LTBP3: variants seen among roughly 807,000 people sequenced by gnomAD.
The protein encoded by LTBP3 is latent-transforming growth factor beta-binding protein 3.
Under a neutral mutation model 159.7 loss-of-function variants are expected in LTBP3, and 97 were observed. The observed-to-expected ratio is 0.61, with a 90% CI of 0.52 to 0.72. The LOEUF is 0.72. Ranked by LOEUF, LTBP3 falls within the 30% of genes least tolerant of loss-of-function variation. The probability of loss-of-function intolerance (pLI) is 0.00; values close to 1 mark genes in which losing one functional copy is unlikely to be tolerated. For missense variants in LTBP3, 1,584 were observed against 1,864.3 expected (o/e 0.85, Z 2.77); for synonymous variants, 824 against 777.1 (o/e 1.06, Z -1.00).
At position 65,546,527 on chromosome 11, in the gene LTBP3, A is replaced by T. The variant is rs1263841275; in HGVS notation, c.2268T>A (p.Pro756=). ...NECAEGSPCS[P]GWCENLPGSF... is the part of the protein sequence containing the mutation. ...AGCCCGGGAGGTTCTCGCACCAGCCAGGCGAGCAGGGGCTGCCCTCGGCGC... is the reference window on the plus strand; with the variant it reads ...AGCCCGGGAGGTTCTCGCACCAGCCTGGCGAGCAGGGGCTGCCCTCGGCGC... The change falls in exon 16 of 28, where the codon CCT becomes CCA. Residue 756 remains proline (P), a synonymous_variant. Transcript: ENST00000301873. This position sits in a 1 kb window ranked among gnomAD's most constrained non-coding sequence, Gnocchi z 4.0. The T allele has an allele frequency of 2.5e-6, 4 of 1,601,922 alleles. No homozygotes were observed. In the South Asian group the frequency reaches 3.3e-5, roughly 13 times the overall value.
Position 65,543,437 on chromosome 11 carries a change from G to C in LTBP3, c.2466C>G (p.Ser822Arg). ...TCTAAGATCCCTCACCCTCGCAGTG[G>C]CTCCGGTCCCTGGACAGATGGTAGC... is the stretch of plus-strand genomic sequence containing the variant. ...LSGYHLSRDR[S>R]HCEDIDECDF... The change falls in exon 17 of 28, where the codon AGC (serine) becomes AGG (arginine). Residue 822 changes from serine to arginine, a missense_variant. Ser to Arg is a moderately radical substitution (Grantham distance 110, BLOSUM62 -1). This residue lies in a region of LTBP3 where 565 missense variants were observed against 677.7 expected (regional missense o/e 0.83). Transcript: ENST00000301873. 1 of 1,614,076 alleles carries C rather than the reference G, an allele frequency of 6.2e-7. No individual in the cohort carries two copies. The highest frequency in any genetic ancestry group is 8.5e-7 in the Non-Finnish European group (1 of 1,179,982).
rs1856680951 is a variant in LTBP3, at chr11:65,553,350, C to T, written c.970+75G>A. The T allele has an allele frequency of 7.4e-7, 1 of 1,344,276 alleles. No homozygotes were observed. The allele number at this position is 1,344,276 out of a possible 1,614,324, so 83.3% of individuals were successfully genotyped here. A position where few individuals can be genotyped will look rare whatever the true frequency, so the allele number is the denominator to read the frequency against. ...AGAGGAATCTGGTGACCTGGGGACT[C>T]CCACTGCAGGGATGGGTGGGGTGGG... is the stretch of plus-strand genomic sequence containing the variant. On this transcript the variant is annotated intron_variant, in intron 4 of 27. Transcript: ENST00000301873. The surrounding 1 kb of genome is among the most constrained non-coding windows in gnomAD (Gnocchi z 6.5).
Position 65,539,445 on chromosome 11 carries a change from C to G in LTBP3, c.3643G>C (p.Glu1215Gln). The G allele has an allele frequency of 5.1e-6, 8 of 1,561,022 alleles. No individual in the cohort carries two copies. The highest frequency in any genetic ancestry group is 1.4e-5 in the African/African-American group (1 of 73,468). ...CAGCGACACTCGTCTGAATCCTCCT[C>G]TGAACTGTCCTCATCTGCGTGGCCC... ...GKPPRDEDSS[E>Q]EDSDECRCVS... is the part of the protein sequence containing the mutation. Residue 1215 changes from glutamate to glutamine, a missense_variant, in exon 27 of 28, where the codon GAG becomes CAG. Coordinates refer to ENST00000301873, the MANE Select transcript of LTBP3 (RefSeq NM_001130144.3).
At chr11:65,539,674 T>TGGCCCCC (rs1855976794) in intron 25 of LTBP3, 46 bp from the exon 26 acceptor site, 2 of 1,583,814 alleles carry the variant, frequency 1.3e-6, no homozygotes, top group South Asian at 2.3e-5. Context: ...CCCCGGGCCC[T>TGGCCCCC]GGCCCCCATC....
At position 65,540,060 on chromosome 11, in the gene LTBP3, A is replaced by C. The variant is rs1028583414; in HGVS notation, c.3338T>G (p.Val1113Gly). 2.0e-6 allele frequency: 3 copies of C among 1,521,882 alleles called. No homozygotes were observed. In the African/African-American group the frequency reaches 4.2e-5, roughly 21 times the overall value. The allele number at this position is 1,521,882 out of a possible 1,614,324, so 94.3% of individuals were successfully genotyped here. ...GCAATCGCGGCCGGAGGGCCCGGGCACCCAGGGCGGGCGACACTCGCAGCG... is the reference window on the plus strand; with the variant it reads ...GCAATCGCGGCCGGAGGGCCCGGGCCCCCAGGGCGGGCGACACTCGCAGCG... ...SYRCECRPPWVPGPSGRDCQL... is the reference protein window; with the variant it reads ...SYRCECRPPWGPGPSGRDCQL... Residue 1113 changes from valine to glycine, a missense_variant, in exon 24 of 28, where the codon GTG becomes GGG. This residue lies in a region of LTBP3 where 514 missense variants were observed against 530.3 expected (regional missense o/e 0.97). Transcript: ENST00000301873.
Position 65,547,158 on chromosome 11 carries a change from G to C in LTBP3, c.2108-238C>G, listed in dbSNP as rs942599050. 2.6e-5 allele frequency among the ~76,000 whole-genome samples: 4 copies of C among 152,292 alleles called. No homozygotes were observed. In the East Asian group the frequency reaches 7.7e-4, roughly 29 times the overall value. ...AGGTCAGGAGTTCGAGACCAGCCTG[G>C]CCAACATGGCGAAACCCCGTCTCTA... On this transcript the variant is annotated intron_variant, in intron 14 of 27. Coordinates refer to ENST00000301873, the MANE Select transcript of LTBP3 (RefSeq NM_001130144.3). The surrounding 1 kb of genome is among the most constrained non-coding windows in gnomAD (Gnocchi z 4.6).
chr11:65,556,249 C>T (rs141449026), intron 1 of LTBP3, among the ~76,000 whole-genome samples: 86 of 152,278 alleles, frequency 5.6e-4, no homozygotes, highest in African/African-American at 6.7e-4. Context: ...TACATTTGGC[C>T]GGGCGCAGTG....
At chr11:65,556,024 A>G (rs1856797997) in intron 1 of LTBP3, among the ~76,000 whole-genome samples, 1 of 152,142 alleles carries the variant, frequency 6.6e-6, no homozygotes, top group African/African-American at 2.4e-5. Flanking sequence ...TGAGTCACTC[A>G]TAGCGGTGAG....
In LTBP3 at chr11:65,538,747, G is replaced by A. The variant is rs868556630; in HGVS notation, c.*333C>T. 1 of 963,888 alleles carries A rather than the reference G, an allele frequency of 1.0e-6. No homozygotes were observed. The highest frequency in any genetic ancestry group is 1.5e-6 in the Non-Finnish European group (1 of 672,084). 59.7% of individuals were successfully genotyped at this position (963,888 alleles called of 1,614,324 possible). On this transcript the variant is annotated 3_prime_UTR_variant, in exon 28 of 28. Coordinates refer to ENST00000301873, the MANE Select transcript of LTBP3 (RefSeq NM_001130144.3). ...AGTCTAGCCCCTGGGAGGCGGCTGG[G>A]GTCTGGCGCCGCCCTGCGCAGCCCG...
intron 11 of LTBP3, 91 bp downstream of exon 11, chr11:65,551,035 C>T (rs1856590038): frequency 9.4e-7 from 1 of 1,066,964 alleles, no homozygotes; most frequent in Non-Finnish European, 1.4e-6. Flanking sequence ...AGCCTATTAG[C>T]GCTAGGGAAT....
In LTBP3 at chr11:65,551,159, T is replaced by C. The variant is rs758603078; in HGVS notation, c.1687A>G (p.Ser563Gly). The change falls in exon 11 of 28, where the codon AGC becomes GGC. Residue 563 changes from serine (S) to glycine (G), a missense_variant. Transcript: ENST00000301873. ...TGAGTGGGAGCGATCTCTACGGCGC[T>C]GCGGGAAGGAGGCAAGTCCGGCAGG... is the stretch of plus-strand genomic sequence containing the variant. ...WFLPDLPPSR[S>G]AVEIAPTQVT... The C allele has an allele frequency of 6.4e-7, 1 of 1,553,828 alleles. No individual in the cohort carries two copies. Among genetic ancestry groups the C allele is most frequent in the South Asian group, 1.2e-5 (1 of 84,258 alleles).
rs777848984 is a variant in LTBP3 at position 65,546,572 on chromosome 11, G to A, written c.2231-8C>T. The A allele has an allele frequency of 1.1e-5, 18 of 1,601,690 alleles. No individual in the cohort carries two copies. In the East Asian group the frequency reaches 1.3e-4, roughly 12 times the overall value. On this transcript the variant is annotated splice_region_variant and splice_polypyrimidine_tract_variant and intron_variant, in intron 15 of 27. Coordinates refer to ENST00000301873, the MANE Select transcript of LTBP3 (RefSeq NM_001130144.3). This position sits in a 1 kb window ranked among gnomAD's most constrained non-coding sequence, Gnocchi z 4.0. ...CGGCGCACTCGTTCACGTCTGCGGC[G>A]GAAAGACCTAGCCTCGGACTCTGCC...
chr11:65,552,553 T>A lies in LTBP3; in HGVS notation c.1187-147A>T. On this transcript the variant is annotated intron_variant, in intron 6 of 27. Transcript: ENST00000301873. This position sits in a 1 kb window ranked among gnomAD's most constrained non-coding sequence, Gnocchi z 6.0. ...GACCCCATATGACCCTGAACTCATG[T>A]GACCCCTGAAACTTATGTGACCACT... The A allele has an allele frequency of 9.6e-7, 1 of 1,044,070 alleles. No individual in the cohort carries two copies. The highest frequency in any genetic ancestry group is 1.4e-6 in the Non-Finnish European group (1 of 715,730). 64.7% of individuals were successfully genotyped at this position (1,044,070 alleles called of 1,614,324 possible).
At position 65,553,075 on chromosome 11, in the gene LTBP3, C is replaced by T; in HGVS notation, c.1063+89G>A. 1 of 1,607,138 alleles carries T rather than the reference C, an allele frequency of 6.2e-7. No homozygotes were observed. Among genetic ancestry groups the T allele is most frequent in the Non-Finnish European group, 8.5e-7 (1 of 1,174,208 alleles). Reference sequence around the variant, plus strand: ...CCTCAGGGTCTTGCCCCAGCCCCACCTCCTCTCTCGCCCACCTTGGGACCC... The same window carrying T: ...CCTCAGGGTCTTGCCCCAGCCCCACTTCCTCTCTCGCCCACCTTGGGACCC... On this transcript the variant is annotated intron_variant, in intron 5 of 27. Transcript: ENST00000301873. The surrounding 1 kb of genome is among the most constrained non-coding windows in gnomAD (Gnocchi z 6.5).
chr11:65,540,848 G>C, intron 21 of LTBP3, 23 bp downstream of exon 21: 1 of 1,600,144 alleles, frequency 6.2e-7, no homozygotes, highest in Non-Finnish European at 8.5e-7. Flanking sequence ...GGCGCGGGGC[G>C]GGCGGAGCCG....
At chr11:65,543,400 C>G (rs1269184508) in intron 17 of LTBP3, 27 bp downstream of exon 17, 4 of 1,613,452 alleles carry the variant, frequency 2.5e-6, no homozygotes, top group Non-Finnish European at 3.4e-6. Context: ...AGGGACAGGT[C>G]AGCACCCCAG....
rs1283570309 is a variant in LTBP3, at chr11:65,539,075, C to T, written c.*5G>A. ...AGGTCTGGGCCGAGGGCGGCGTCGG[C>T]GGCGTCAGCGGCGGCGCTGGGGAAC... On this transcript the variant is annotated 3_prime_UTR_variant, in exon 28 of 28. Coordinates refer to ENST00000301873, the MANE Select transcript of LTBP3 (RefSeq NM_001130144.3). 1 of 1,379,340 alleles carries T rather than the reference C, an allele frequency of 7.2e-7. No homozygotes were observed. The highest frequency in any genetic ancestry group is 1.5e-5 in the South Asian group (1 of 65,348). 85.4% of individuals were successfully genotyped at this position (1,379,340 alleles called of 1,614,324 possible). A position where few individuals can be genotyped will look rare whatever the true frequency, so the allele number is the denominator to read the frequency against.
Position 65,538,603 on chromosome 11 carries a change from G to GCC in LTBP3, c.*475_*476dup, listed in dbSNP as rs1209400946. 10 of 1,595,630 alleles carry GCC rather than the reference G, an allele frequency of 6.3e-6. No homozygotes were observed. Among genetic ancestry groups the GCC allele is most frequent in the Non-Finnish European group, 8.5e-6 (10 of 1,171,804 alleles). ...GGCCCTTCCCGGCTGCGGAGAGCCC[G>GCC]CCCCACAGATGTATTTATTGTACAA... On this transcript the variant is annotated 3_prime_UTR_variant, in exon 28 of 28. Coordinates refer to ENST00000301873, the MANE Select transcript of LTBP3 (RefSeq NM_001130144.3).
In LTBP3 at chr11:65,547,834, G is replaced by A. The variant is rs758810341; in HGVS notation, c.1847-13C>T. On this transcript the variant is annotated splice_polypyrimidine_tract_variant and intron_variant, in intron 12 of 27. Transcript: ENST00000301873. The surrounding 1 kb of genome is among the most constrained non-coding windows in gnomAD (Gnocchi z 4.6). ...CACTCGTTCACATCTGAGAAGAACG[G>A]GTAGGCCAAGAAAAGTCAAAGGAAG... 1.9e-6 allele frequency: 3 copies of A among 1,613,168 alleles called. No homozygotes were observed. Among genetic ancestry groups the A allele is most frequent in the Non-Finnish European group, 2.5e-6 (3 of 1,179,930 alleles).
Sources: gnomAD v4.1 joint callset for allele counts (sites outside exome capture counted in the v4.1 genomes callset) on GRCh38, gnomAD v4.1.1 for gene constraint, gnomAD v4.1.1 regional missense constraint, Gnocchi (gnomAD v3.1) non-coding constraint, MANE v1.5 for transcripts, NCBI Gene and HGNC (gene_info 2026-07-23, HGNC 2026-07-21) for gene names.